Variants in WWOX observed in about 807,000 individuals in gnomAD.
WWOX encodes the protein WW domain-containing oxidoreductase.
A neutral mutation model predicts 46.2 loss-of-function variants in WWOX; 69 were observed. The observed-to-expected ratio is 1.49, with a 90% CI of 1.23 to 1.82. The LOEUF (loss-of-function observed/expected upper bound fraction) is 1.82. Among genes scored for constraint, WWOX ranks in the 40% most tolerant of loss-of-function variants. WWOX has a pLI of 0.00. For missense variants in WWOX, 919 were observed against 542.6 expected (o/e 1.69, Z -6.89); for synonymous variants, 359 against 202.6 (o/e 1.77, Z -6.56).
chr16:78,282,614 C>T (rs565555763), intron 5 of WWOX, among the ~76,000 whole-genome samples: 124 of 152,134 alleles, frequency 8.2e-4, no homozygotes, highest in African/African-American at 2.9e-3. Context: ...CAGTGGCTCA[C>T]GCCTGTAATC....
intron 8 of WWOX, among the ~76,000 whole-genome samples, chr16:78,778,160 C>G (rs897327860): frequency 2.0e-5 from 3 of 151,962 alleles, no homozygotes; most frequent in African/African-American, 7.3e-5. Flanking sequence ...CCCCAAGTCA[C>G]ACAGTTAGCT....
chr16:78,729,337 G>T lies in WWOX; in HGVS notation c.1056+296585G>T, dbSNP rs1255806968. On this transcript the variant is annotated intron_variant, in intron 8 of 8. Coordinates refer to ENST00000566780, the MANE Select transcript of WWOX (RefSeq NM_016373.4). ...AGCCTGGGCAGCAGAGCAAGACCCT[G>T]CCTCAAAAAAAAAAAGTAAAAATAA... 4.2e-5 allele frequency among the ~76,000 whole-genome samples: 6 copies of T among 144,018 alleles called. No individual in the cohort carries two copies. In the South Asian group the frequency reaches 6.5e-4, roughly 16 times the overall value. The allele number at this position is 144,018 out of a possible 152,430, so 94.5% of individuals were successfully genotyped here. A position where few individuals can be genotyped will look rare whatever the true frequency, so the allele number is the denominator to read the frequency against.
At chr16:78,574,936 A>G (rs1020669990) in intron 8 of WWOX, among the ~76,000 whole-genome samples, 2 of 139,086 alleles carry the variant, frequency 1.4e-5, no homozygotes, top group African/African-American at 2.6e-5. Context: ...TCATTACACA[A>G]TGTATATAGT....
At chr16:78,997,152 A>AG (rs562983288) in intron 8 of WWOX, among the ~76,000 whole-genome samples, 2 of 151,000 alleles carry the variant, frequency 1.3e-5, no homozygotes, top group Admixed American at 6.6e-5. Flanking sequence ...GTGCCTGGTG[A>AG]GGGGGGTGCT....
At position 78,864,773 on chromosome 16, in the gene WWOX, TTTTTTTTTTGA is replaced by T. The variant is rs1289770966; in HGVS notation, c.1057-346834_1057-346824del. ...CAACTCCTTTTTTTTTTTTTTTTTT[TTTTTTTTTTGA>T]GACAGTCTCACTCTATTGCCCAGGC... On this transcript the variant is annotated intron_variant, in intron 8 of 8. Coordinates refer to ENST00000566780, the MANE Select transcript of WWOX (RefSeq NM_016373.4). Among the ~76,000 whole-genome samples the T allele has an allele frequency of 2.7e-5, 3 of 109,696 alleles. No individual in the cohort carries two copies. The Admixed American group carries it at 2.8e-4, about 10-fold the overall frequency. The allele number at this position is 109,696 out of a possible 152,430, so 72.0% of individuals were successfully genotyped here.
chr16:79,049,517 G>C (rs531974025), intron 8 of WWOX, among the ~76,000 whole-genome samples: 1 of 152,124 alleles, frequency 6.6e-6, no homozygotes, highest in Non-Finnish European at 1.5e-5. Context: ...AGCCCAGATG[G>C]CATTGTTGAG....
intron 8 of WWOX, among the ~76,000 whole-genome samples, chr16:78,512,561 CAAGTG>C (rs1367989665): frequency 6.6e-6 from 1 of 152,114 alleles, no homozygotes; most frequent in African/African-American, 2.4e-5. Flanking sequence ...AAGCAATACT[CAAGTG>C]GAGTGAGTTC....
At chr16:79,029,534 G>C (rs111515914) in intron 8 of WWOX, among the ~76,000 whole-genome samples, 1 of 152,146 alleles carries the variant, frequency 6.6e-6, no homozygotes, top group Non-Finnish European at 1.5e-5. Flanking sequence ...GGAACAGGAT[G>C]CTCCTTTAAG....
chr16:78,536,849 C>T (rs1039699539), intron 8 of WWOX, among the ~76,000 whole-genome samples: 1 of 148,864 alleles, frequency 6.7e-6, no homozygotes, highest in African/African-American at 2.5e-5. Context: ...AGCTTAAGGA[C>T]AATGAAAGTC....
intron 8 of WWOX, among the ~76,000 whole-genome samples, chr16:78,511,208 A>G (rs960416503): frequency 2.0e-5 from 3 of 152,218 alleles, no homozygotes; most frequent in African/African-American, 7.2e-5. Context: ...ATGTAAAAGC[A>G]GCTGGTTACC....
intron 8 of WWOX, among the ~76,000 whole-genome samples, chr16:79,024,709 A>G (rs2047603058): frequency 6.6e-6 from 1 of 152,070 alleles, no homozygotes; most frequent in Non-Finnish European, 1.5e-5. Context: ...TGCTGGGATT[A>G]CAGGCATGAG....
At chr16:78,335,225 C>G (rs1326533176) in intron 5 of WWOX, among the ~76,000 whole-genome samples, 2 of 152,188 alleles carry the variant, frequency 1.3e-5, no homozygotes, top group Admixed American at 6.5e-5. Flanking sequence ...CAGAGATCAA[C>G]TTATCACCTG....
At chr16:78,998,596 A>T (rs537143000) in intron 8 of WWOX, among the ~76,000 whole-genome samples, 1 of 152,330 alleles carries the variant, frequency 6.6e-6, no homozygotes, top group Admixed American at 6.5e-5. Flanking sequence ...GTTAAGACTC[A>T]ATTTCTTAGT....
intron 8 of WWOX, among the ~76,000 whole-genome samples, chr16:78,865,845 C>G (rs1442367747): frequency 1.3e-5 from 2 of 152,204 alleles, no homozygotes; most frequent in Non-Finnish European, 2.9e-5. Flanking sequence ...CACCACCGCA[C>G]TCCAGCCTGG....
intron 8 of WWOX, among the ~76,000 whole-genome samples, chr16:79,057,758 A>C (rs185195648): frequency 6.6e-6 from 1 of 152,240 alleles, no homozygotes; most frequent in African/African-American, 2.4e-5. Flanking sequence ...GGTGGTCAAG[A>C]ATTTAGAAAG....
intron 8 of WWOX, among the ~76,000 whole-genome samples, chr16:78,687,704 C>A (rs761402253): frequency 2.6e-5 from 4 of 152,212 alleles, no homozygotes; most frequent in African/African-American, 9.6e-5. Flanking sequence ...TCAATTAGAT[C>A]TAACTTGCTT....
chr16:78,778,112 G>C (rs2142543621), intron 8 of WWOX, among the ~76,000 whole-genome samples: 1 of 151,560 alleles, frequency 6.6e-6, no homozygotes, highest in East Asian at 1.9e-4. Context: ...CTATCCCAAG[G>C]ATGGGAAGTC....
chr16:79,209,164 G>T (rs2051625135), intron 8 of WWOX, among the ~76,000 whole-genome samples: 1 of 152,192 alleles, frequency 6.6e-6, no homozygotes, highest in African/African-American at 2.4e-5. Flanking sequence ...AAAAGGTATG[G>T]CTCTCAGCAT....
At chr16:79,107,339 C>T (rs1347395961) in intron 8 of WWOX, among the ~76,000 whole-genome samples, 3 of 151,672 alleles carry the variant, frequency 2.0e-5, no homozygotes, top group East Asian at 1.9e-4. Flanking sequence ...CCGCCCTTCT[C>T]GGCCTCCCAA....
Sources: allele counts gnomAD v4.1 joint callset (sites outside exome capture counted in the v4.1 genomes callset), GRCh38; gene constraint gnomAD v4.1.1; transcripts MANE v1.5; gene names NCBI Gene and HGNC (gene_info 2026-07-23, HGNC 2026-07-21).